The following WWOX variants were observed in gnomAD, a reference collection of about 807,000 sequenced individuals.
The protein encoded by WWOX is WW domain containing oxidoreductase.
A neutral mutation model predicts 46.2 loss-of-function variants in WWOX; 69 were observed. That is an observed-to-expected ratio of 1.49 (90% CI 1.23 to 1.82). The LOEUF (loss-of-function observed/expected upper bound fraction) is 1.82, where lower values mean the gene tolerates loss of function less well. WWOX is among the 40% of genes most tolerant of loss of function. The pLI, the probability that WWOX is intolerant of heterozygous loss-of-function variation, is 0.00. For missense variants in WWOX, 919 were observed against 542.6 expected, an observed-to-expected ratio of 1.69 and a Z score of -6.89; for synonymous variants, 359 against 202.6, an observed-to-expected ratio of 1.77 and a Z score of -6.56.
chr16:78,753,825 A>AAAATAT (rs2049556906), intron 8 of WWOX, among the ~76,000 whole-genome samples: 4 of 21,348 alleles, frequency 1.9e-4, no homozygotes, highest in African/African-American at 2.0e-4. Flanking sequence ...AAAAAAAAAA[A>AAAATAT]ATATATATAT....
chr16:78,523,079 A>G (rs9939057), intron 8 of WWOX, among the ~76,000 whole-genome samples: 2,311 of 152,272 alleles, frequency 0.015, 21 homozygotes, highest in African/African-American at 0.025. Flanking sequence ...CCCCAAAAAA[A>G]TAAATAAATA....
chr16:79,082,143 G>A (rs1197612919), intron 8 of WWOX, among the ~76,000 whole-genome samples: 2 of 152,188 alleles, frequency 1.3e-5, no homozygotes, highest in African/African-American at 2.4e-5. Context: ...CAGCTAGTGG[G>A]TAAAGCCCGG....
intron 4 of WWOX, among the ~76,000 whole-genome samples, chr16:78,157,786 G>A (rs1162165417): frequency 6.6e-6 from 1 of 152,138 alleles, no homozygotes; most frequent in Non-Finnish European, 1.5e-5. Flanking sequence ...TCAGCCCTCG[G>A]GTTACCATTG....
chr16:78,954,754 A>G (rs1258649263), intron 8 of WWOX, among the ~76,000 whole-genome samples: 1 of 152,164 alleles, frequency 6.6e-6, no homozygotes, highest in Non-Finnish European at 1.5e-5. Context: ...ATGGGGAAGC[A>G]AAGCTACATG....
chr16:78,481,988 C>G (rs1240155293), intron 8 of WWOX, among the ~76,000 whole-genome samples: 2 of 152,124 alleles, frequency 1.3e-5, no homozygotes, highest in African/African-American at 4.8e-5. Flanking sequence ...GTCTGCATTT[C>G]TGATAGGTTT....
At chr16:78,442,802 A>T (rs2083473383) in intron 8 of WWOX, among the ~76,000 whole-genome samples, 1 of 152,022 alleles carries the variant, frequency 6.6e-6, no homozygotes, top group African/African-American at 2.4e-5. Context: ...CAACATTGCG[A>T]AATTCTGTCT....
intron 5 of WWOX, among the ~76,000 whole-genome samples, chr16:78,297,599 A>AT (rs1254542989): frequency 6.6e-6 from 1 of 152,166 alleles, no homozygotes; most frequent in Non-Finnish European, 1.5e-5. Flanking sequence ...AACAAATGCC[A>AT]TTTTTTTAAC....
intron 8 of WWOX, among the ~76,000 whole-genome samples, chr16:78,687,164 C>G (rs1484137853): frequency 6.6e-6 from 1 of 152,068 alleles, no homozygotes; most frequent in Non-Finnish European, 1.5e-5. Context: ...AGCAGTGTTT[C>G]ATATTTACAC....
intron 6 of WWOX, among the ~76,000 whole-genome samples, chr16:78,405,545 A>G (rs1436655019): frequency 1.3e-5 from 2 of 152,226 alleles, no homozygotes; most frequent in South Asian, 2.1e-4. Context: ...TATTCAGGAC[A>G]TTCTCTACCA....
chr16:78,771,067 C>G (rs918323572), intron 8 of WWOX, among the ~76,000 whole-genome samples: 11 of 152,178 alleles, frequency 7.2e-5, no homozygotes, highest in African/African-American at 2.7e-4. Flanking sequence ...CTCAGGTCAG[C>G]CGGCATGGCA....
intron 8 of WWOX, among the ~76,000 whole-genome samples, chr16:78,501,968 TAGA>T (rs1301564096): frequency 1.3e-5 from 2 of 152,148 alleles, no homozygotes; most frequent in African/African-American, 4.8e-5. Context: ...AGAGTTAACG[TAGA>T]AGGTTTCTGG....
In WWOX at chr16:78,259,758, C is replaced by G. The variant is rs960818025; in HGVS notation, c.516+95469C>G. Among the ~76,000 whole-genome samples the G allele has an allele frequency of 3.8e-4, 58 of 151,128 alleles. 3 individuals carry two copies. Among genetic ancestry groups the G allele is most frequent in the African/African-American group, 1.4e-3 (58 of 41,014 alleles). On this transcript the variant is annotated intron_variant, in intron 5 of 8. Transcript: ENST00000566780. Reference sequence around the variant, plus strand: ...GTTCTGAGATATAATTTGGAGATCTCTATCAAAAGTTTTATAAACTTTTTT... The same window carrying G: ...GTTCTGAGATATAATTTGGAGATCTGTATCAAAAGTTTTATAAACTTTTTT...
chr16:79,041,455 G>T (rs191007547), intron 8 of WWOX, among the ~76,000 whole-genome samples: 1 of 152,326 alleles, frequency 6.6e-6, no homozygotes, highest in East Asian at 1.9e-4. Context: ...CATAAGCCCT[G>T]TGGGTTCCAG....
intron 5 of WWOX, among the ~76,000 whole-genome samples, chr16:78,234,788 A>G (rs1038283418): frequency 1.5e-5 from 1 of 66,280 alleles, no homozygotes; most frequent in African/African-American, 9.9e-5. Context: ...AAACAAAACA[A>G]AACAAAAAAA....
intron 8 of WWOX, among the ~76,000 whole-genome samples, chr16:78,577,556 C>G (rs972074271): frequency 2.0e-5 from 3 of 152,164 alleles, no homozygotes; most frequent in African/African-American, 7.2e-5. Flanking sequence ...AAGTCCAAAC[C>G]ATTCCACTTC....
intron 8 of WWOX, among the ~76,000 whole-genome samples, chr16:78,921,201 C>T (rs891842877): frequency 1.3e-5 from 2 of 152,126 alleles, no homozygotes; most frequent in East Asian, 1.9e-4. Context: ...TTCAAGTCTG[C>T]AGGCAAAACA....
intron 8 of WWOX, among the ~76,000 whole-genome samples, chr16:78,802,938 AAAAACAACAAAC>A (rs2050932078): frequency 1.0e-5 from 1 of 97,788 alleles, no homozygotes; most frequent in African/African-American, 4.6e-5. Context: ...AAAAAAAAAA[AAAAACAACAAAC>A]AGAAAAATGA....
At chr16:78,323,630 T>G (rs2080540563) in intron 5 of WWOX, among the ~76,000 whole-genome samples, 3 of 152,164 alleles carry the variant, frequency 2.0e-5, no homozygotes, top group Admixed American at 2.0e-4. Context: ...TGTGAGGCTG[T>G]GGACTTTACT....
At chr16:78,690,313 G>A (rs988236604) in intron 8 of WWOX, among the ~76,000 whole-genome samples, 1 of 152,186 alleles carries the variant, frequency 6.6e-6, no homozygotes, top group South Asian at 2.1e-4. Context: ...CACTCTGGAA[G>A]GCTGAGTCAG....
Sources: gnomAD v4.1 joint callset for allele counts (sites outside exome capture counted in the v4.1 genomes callset) on GRCh38, gnomAD v4.1.1 for gene constraint, MANE v1.5 for transcripts, NCBI Gene and HGNC (gene_info 2026-07-23, HGNC 2026-07-21) for gene names.